Variants in STK32C observed in about 807,000 individuals in gnomAD.
STK32C encodes the protein serine/threonine-protein kinase 32C.
STK32C carries 31 observed loss-of-function variants against 56.5 expected under a neutral mutation model. The observed-to-expected ratio is 0.55, with a 90% CI of 0.41 to 0.74. STK32C has a LOEUF of 0.74. Ranked by LOEUF, STK32C falls within the 30% of genes least tolerant of loss-of-function variation. The pLI, the probability that STK32C is intolerant of heterozygous loss-of-function variation, is 0.00. For synonymous variants in STK32C, 309 were observed against 289.4 expected (o/e 1.07, Z -0.69); for missense variants, 544 against 676.9 (o/e 0.80, Z 2.18).
intron 1 of STK32C, among the ~76,000 whole-genome samples, chr10:132,264,582 G>A (rs142153833): frequency 2.1e-3 from 317 of 152,328 alleles, no homozygotes; most frequent in African/African-American, 5.9e-3. Context: ...ACCCCTCCAG[G>A]ACCCTCTCCC....
chr10:132,260,428 C>T (rs11146275), intron 1 of STK32C, among the ~76,000 whole-genome samples: 50,139 of 152,074 alleles, frequency 0.33, 8,697 homozygotes, highest in Admixed American at 0.45. Context: ...CCTCCACCAG[C>T]TCCTGTGTGC....
intron 1 of STK32C, among the ~76,000 whole-genome samples, chr10:132,288,342 T>C (rs1221307310): frequency 6.6e-6 from 1 of 152,206 alleles, no homozygotes; most frequent in African/African-American, 2.4e-5. Context: ...AGGAAGAAAT[T>C]GATGATATAC....
chr10:132,227,954 C>T, intron 3 of STK32C, 23 bp downstream of exon 3: 1 of 1,610,558 alleles, frequency 6.2e-7, no homozygotes, highest in Non-Finnish European at 8.5e-7. Flanking sequence ...AGTCTTTCTG[C>T]AGCGAGGCCA....
rs1475851579 is a variant in STK32C, at chr10:132,222,665, G to C, written c.1227C>G (p.Asp409Glu). Residue 409 changes from aspartate (D) to glutamate (E), a missense_variant, in exon 10 of 12, where the codon GAC (aspartate) becomes GAG (glutamate). Asp to Glu is a conservative substitution (Grantham distance 45). Coordinates refer to ENST00000298630, the MANE Select transcript of STK32C (RefSeq NM_173575.4). Reference sequence around the variant, plus strand: ...CGGACTGGGAGCTGTCCCTGCTGTTGTCCCGGGACTTGTTCTTGGCCAGAC... The same window carrying C: ...CGGACTGGGAGCTGTCCCTGCTGTTCTCCCGGGACTTGTTCTTGGCCAGAC... ...KKRLAKNKSR[D>E]NSRDSSQSEN... 13 of 1,613,052 alleles carry C rather than the reference G, an allele frequency of 8.1e-6. No homozygotes were observed. The highest frequency in any genetic ancestry group is 1.1e-5 in the Non-Finnish European group (13 of 1,179,938).
rs180975149 is a variant in STK32C, at chr10:132,283,390, C to T, written c.262+24182G>A. Among the ~76,000 whole-genome samples the T allele has an allele frequency of 2.3e-3, 348 of 152,340 alleles. 2 individuals carry two copies. The highest frequency in any genetic ancestry group is 8.1e-3 in the African/African-American group (338 of 41,580). ...CGTTGGCAGAACGCAGACGAGGCTGCGAAGGTCCAGCGGCAGCCACGCCCC... is the reference window on the plus strand; with the variant it reads ...CGTTGGCAGAACGCAGACGAGGCTGTGAAGGTCCAGCGGCAGCCACGCCCC... On this transcript the variant is annotated intron_variant, in intron 1 of 11. Coordinates refer to ENST00000298630, the MANE Select transcript of STK32C (RefSeq NM_173575.4).
intron 1 of STK32C, chr10:132,249,110 C>T (rs764684965): frequency 3.2e-5 from 15 of 464,300 alleles, no homozygotes; most frequent in South Asian, 1.7e-4. Flanking sequence ...AAGGCGCATG[C>T]GTGCCGGGGC....
chr10:132,266,699 G>T (rs778438762), intron 1 of STK32C, among the ~76,000 whole-genome samples: 1 of 151,982 alleles, frequency 6.6e-6, no homozygotes, highest in African/African-American at 2.4e-5. Context: ...GAAGGAACGC[G>T]GGCGTGGGTG....
intron 1 of STK32C, among the ~76,000 whole-genome samples, chr10:132,328,270 G>A (rs1451301460): frequency 6.6e-6 from 1 of 152,078 alleles, no homozygotes; most frequent in Non-Finnish European, 1.5e-5. Flanking sequence ...GGACTCATAG[G>A]GGGTCGAAGT....
rs1565125595 is a variant in STK32C, at chr10:132,265,127, G to GC, written c.263-19173dup. On this transcript the variant is annotated intron_variant, in intron 1 of 11. Transcript: ENST00000298630. ...CGGTGAGGTGGGCTCTGGGGGTGCCGCAAGGGCAGTGAGGTGGGCTCTGGG... is the reference window on the plus strand; with the variant it reads ...CGGTGAGGTGGGCTCTGGGGGTGCCGCCAAGGGCAGTGAGGTGGGCTCTGGG... Among the ~76,000 whole-genome samples the GC allele has an allele frequency of 3.7e-3, 541 of 145,712 alleles. 5 individuals are homozygous for GC. Among genetic ancestry groups the GC allele is most frequent in the Non-Finnish European group, 6.1e-3 (405 of 66,608 alleles).
chr10:132,292,042 G>C (rs894323040), intron 1 of STK32C, among the ~76,000 whole-genome samples: 4 of 152,088 alleles, frequency 2.6e-5, no homozygotes, highest in African/African-American at 9.7e-5. Context: ...TCCCCTGCAG[G>C]GGCCCAAGGC....
At chr10:132,218,799 A>C (rs1454517164) in intron 10 of STK32C, among the ~76,000 whole-genome samples, 1 of 152,260 alleles carries the variant, frequency 6.6e-6, no homozygotes, top group Non-Finnish European at 1.5e-5. Flanking sequence ...ACAAGTGGAA[A>C]GAACAAATAC....
intron 1 of STK32C, among the ~76,000 whole-genome samples, chr10:132,299,440 C>G (rs977751428): frequency 6.6e-6 from 1 of 151,782 alleles, no homozygotes; most frequent in Non-Finnish European, 1.5e-5. Flanking sequence ...CACCAGCCAA[C>G]AGCGAACTGA....
chr10:132,299,932 G>A (rs983588059), intron 1 of STK32C, among the ~76,000 whole-genome samples: 4 of 152,224 alleles, frequency 2.6e-5, no homozygotes, highest in Non-Finnish European at 5.9e-5. Flanking sequence ...CCAGGGCGCT[G>A]GCACAGGGAG....
At chr10:132,249,822 T>A (rs1395284444) in intron 1 of STK32C, among the ~76,000 whole-genome samples, 1 of 152,040 alleles carries the variant, frequency 6.6e-6, no homozygotes, top group Non-Finnish European at 1.5e-5. Flanking sequence ...CCCATGAGGG[T>A]CTCCGCACTG....
chr10:132,327,976 C>G (rs1215059769), intron 1 of STK32C, among the ~76,000 whole-genome samples: 1 of 152,074 alleles, frequency 6.6e-6, no homozygotes, highest in African/African-American at 2.4e-5. Context: ...TAGTGGAGAA[C>G]AGCCAAGAGC....
intron 1 of STK32C, among the ~76,000 whole-genome samples, chr10:132,271,747 G>A (rs2064832437): frequency 2.0e-5 from 3 of 152,132 alleles, no homozygotes; most frequent in Non-Finnish European, 4.4e-5. Flanking sequence ...CCAGACTCGC[G>A]CCCTCCCCGA....
At chr10:132,294,048 A>G (rs2138322509) in intron 1 of STK32C, among the ~76,000 whole-genome samples, 1 of 152,278 alleles carries the variant, frequency 6.6e-6, no homozygotes, top group South Asian at 2.1e-4. Context: ...GAGACACTCG[A>G]GTGGCAATGT....
At chr10:132,325,436 C>T (rs1458016552) in intron 1 of STK32C, among the ~76,000 whole-genome samples, 2 of 151,780 alleles carry the variant, frequency 1.3e-5, no homozygotes, top group African/African-American at 4.8e-5. Context: ...GCCTGTAGTC[C>T]CAGCTACTCG....
chr10:132,303,489 TAA>T (rs2065971175), intron 1 of STK32C, among the ~76,000 whole-genome samples: 1 of 152,034 alleles, frequency 6.6e-6, no homozygotes, highest in South Asian at 2.1e-4. Flanking sequence ...GTAGCAACAT[TAA>T]AAGATAAATG....
Sources: gnomAD v4.1 joint callset for allele counts (sites outside exome capture counted in the v4.1 genomes callset) on GRCh38, gnomAD v4.1.1 for gene constraint, MANE v1.5 for transcripts, NCBI Gene and HGNC (gene_info 2026-07-23, HGNC 2026-07-21) for gene names.